The following ACOT11 variants were observed in gnomAD, a reference collection of about 807,000 sequenced individuals.
The protein encoded by ACOT11 is acyl-CoA thioesterase 11, also known as acyl-coenzyme A thioesterase 11.
A neutral mutation model predicts 77.5 loss-of-function variants in ACOT11; 69 were observed. That is an observed-to-expected ratio of 0.89 (90% confidence interval 0.73 to 1.09). The LOEUF is 1.09. ACOT11 is among the 50% of genes least tolerant of loss of function. The pLI, the probability that ACOT11 is intolerant of heterozygous loss-of-function variation, is 0.00. For synonymous variants in ACOT11, 279 were observed against 313.0 expected (o/e 0.89, Z 1.15); for missense variants, 766 against 813.7 (o/e 0.94, Z 0.71).
chr1:54,557,165 A>G (rs796431373), intron 1 of ACOT11, among the ~76,000 whole-genome samples: 74 of 152,072 alleles, frequency 4.9e-4, no homozygotes, highest in African/African-American at 1.7e-3. Context: ...AGGCCAAGGC[A>G]GGCAGATCAC....
At position 54,607,252 on chromosome 1, in the gene ACOT11, C is replaced by G. The variant is rs545753989; in HGVS notation, c.1489C>G (p.Pro497Ala). Reference sequence around the variant, plus strand: ...CGTGATCCTGGCCTCGAGGCGGAAGCCTTGTGACAATGGGTGTGTGCCTAT... The same window carrying G: ...CGTGATCCTGGCCTCGAGGCGGAAGGCTTGTGACAATGGGTGTGTGCCTAT... Reference protein sequence around the residue: ...DFVILASRRKPCDNGDPYVIA... With the variant: ...DFVILASRRKACDNGDPYVIA... Residue 497 changes from proline to alanine, a missense_variant, in exon 14 of 16, where the codon CCT becomes GCT. Physicochemically the swap from Pro to Ala is conservative, Grantham distance 27 (BLOSUM62 -1). Transcript: ENST00000343744. The surrounding 1 kb of genome is among the most constrained non-coding windows in gnomAD (Gnocchi z 4.5). 1.5e-5 allele frequency: 25 copies of G among 1,614,138 alleles called. No homozygotes were observed. Among genetic ancestry groups the G allele is most frequent in the South Asian group, 1.3e-4 (12 of 91,082 alleles).
In ACOT11 at chr1:54,609,435, A is replaced by T; in HGVS notation, c.*323A>T. On this transcript the variant is annotated 3_prime_UTR_variant, in exon 16 of 16. Coordinates refer to ENST00000343744, the MANE Select transcript of ACOT11 (RefSeq NM_147161.4). ...ACTGTGACGGTGGCCCGGGGGGAGG[A>T]TGCCAGCAGCCTGCCTATGGCTCCA... 1 of 1,613,734 alleles carries T rather than the reference A, an allele frequency of 6.2e-7. No individual in the cohort carries two copies. The highest frequency in any genetic ancestry group is 1.1e-5 in the South Asian group (1 of 91,084).
At chr1:54,612,768 C>T (rs939020782), downstream of ACOT11, 1 of 1,337,968 alleles carries the variant, frequency 7.5e-7, no homozygotes, top group Non-Finnish European at 1.1e-6. Context: ...TTCCTCTCCT[C>T]TGGGGTCTCA....
At chr1:54,593,847 G>A in intron 4 of ACOT11, 94 bp from the exon 5 acceptor site, 1 of 1,065,062 alleles carries the variant, frequency 9.4e-7, no homozygotes, top group South Asian at 1.4e-5. Context: ...GGCCTGGCCT[G>A]GGCTGGGACT....
intron 6 of ACOT11, among the ~76,000 whole-genome samples, chr1:54,595,244 G>C (rs1654857949): frequency 6.6e-6 from 1 of 152,044 alleles, no homozygotes. Context: ...TACTCTGGGG[G>C]CTGAAGCAGG....
At chr1:54,616,532 C>T (rs1223658613) in intron 15 of ACOT11, among the ~76,000 whole-genome samples, 1 of 152,056 alleles carries the variant, frequency 6.6e-6, no homozygotes, top group Non-Finnish European at 1.5e-5. Flanking sequence ...TGCCACCATG[C>T]CTAGCTAATT....
At chr1:54,579,385 C>T (rs191978696) in intron 1 of ACOT11, among the ~76,000 whole-genome samples, 68 of 152,218 alleles carry the variant, frequency 4.5e-4, no homozygotes, top group African/African-American at 1.5e-3. Flanking sequence ...GTGTGTGTCC[C>T]GGGTATGTGT....
At chr1:54,630,870 T>C (rs1644295814) in exon 16 of ACOT11, 1 of 752,316 alleles carries the variant, frequency 1.3e-6, no homozygotes, top group African/African-American at 1.7e-5. Flanking sequence ...CTGAGTACTC[T>C]TAAAGCAATC....
At chr1:54,606,995 C>T in intron 13 of ACOT11, 139 bp from the exon 14 acceptor site, 3 of 1,223,006 alleles carry the variant, frequency 2.5e-6, no homozygotes, top group Non-Finnish European at 3.4e-6. Flanking sequence ...TCCTGCTGGC[C>T]CTTGCTGAGC....
intron 9 of ACOT11, among the ~76,000 whole-genome samples, chr1:54,602,295 GGGTT>G: frequency 6.6e-6 from 1 of 152,360 alleles, no homozygotes; most frequent in Admixed American, 6.5e-5. Flanking sequence ...CAGCCTCAGA[GGGTT>G]GTTGTAAGGA....
intron 6 of ACOT11, among the ~76,000 whole-genome samples, chr1:54,596,199 G>A (rs1188464699): frequency 6.6e-6 from 1 of 151,996 alleles, no homozygotes; most frequent in Non-Finnish European, 1.5e-5. Flanking sequence ...AGGCCCCATT[G>A]CCCTGTGAAT....
At position 54,607,370 on chromosome 1, in the gene ACOT11, CT is replaced by C; in HGVS notation, c.1502+107del. 6.5e-7 allele frequency: 1 copy of C among 1,547,142 alleles called. No homozygotes were observed. The highest frequency in any genetic ancestry group is 8.8e-7 in the Non-Finnish European group (1 of 1,141,080). On this transcript the variant is annotated intron_variant, in intron 14 of 15. Coordinates refer to ENST00000343744, the MANE Select transcript of ACOT11 (RefSeq NM_147161.4). This position sits in a 1 kb window ranked among gnomAD's most constrained non-coding sequence, Gnocchi z 4.5. The stretch of plus-strand genomic sequence containing the variant: ...GCATCAGCCTGGAGCCAGAGCTCTG[CT>C]TCCCATTGGCTGTGGGGCCCCAGGC...
chr1:54,612,398 TTA>T, downstream of ACOT11: 1 of 966,932 alleles, frequency 1.0e-6, no homozygotes, highest in Middle Eastern at 2.3e-4. Context: ...GAAATGACCT[TTA>T]AGACCCTTCC....
intron 1 of ACOT11, among the ~76,000 whole-genome samples, chr1:54,581,968 C>T (rs1275005739): frequency 6.6e-6 from 1 of 151,946 alleles, no homozygotes; most frequent in Non-Finnish European, 1.5e-5. Flanking sequence ...AAAGGCTATG[C>T]CTGGGGCCAC....
At chr1:54,589,673 G>A (rs968130463) in intron 3 of ACOT11, among the ~76,000 whole-genome samples, 2 of 151,940 alleles carry the variant, frequency 1.3e-5, no homozygotes, top group African/African-American at 4.8e-5. Flanking sequence ...TTTTTGTAGA[G>A]ATGAGGTCTC....
intron 1 of ACOT11, 62 bp downstream of exon 1, chr1:54,548,404 G>A: frequency 1.3e-6 from 2 of 1,551,244 alleles, no homozygotes; most frequent in Non-Finnish European, 1.7e-6. Context: ...GAAAGAGATT[G>A]ATGTTTCCAT....
chr1:54,583,381 T>C (rs1654387868), intron 1 of ACOT11, among the ~76,000 whole-genome samples: 2 of 152,086 alleles, frequency 1.3e-5, no homozygotes, highest in Non-Finnish European at 2.9e-5. Flanking sequence ...TTGAATTAGC[T>C]ATGGGAGGCT....
At chr1:54,594,813 C>T in intron 6 of ACOT11, 122 bp downstream of exon 6, 2 of 1,380,650 alleles carry the variant, frequency 1.4e-6, no homozygotes, top group South Asian at 1.5e-5. Context: ...CACTGGTGGC[C>T]CTGGGCCTCT....
At chr1:54,564,507 CAGACGT>C (rs1653667297) in intron 1 of ACOT11, among the ~76,000 whole-genome samples, 1 of 152,230 alleles carries the variant, frequency 6.6e-6, no homozygotes, top group Non-Finnish European at 1.5e-5. Flanking sequence ...GGCCCTGTGC[CAGACGT>C]GGACTCGGTG....
Sources: gnomAD v4.1 joint callset for allele counts (sites outside exome capture counted in the v4.1 genomes callset) on GRCh38, gnomAD v4.1.1 for gene constraint, Gnocchi (gnomAD v3.1) non-coding constraint, MANE v1.5 for transcripts, NCBI Gene and HGNC (gene_info 2026-07-23, HGNC 2026-07-21) for gene names.